DNAH14: variants seen among roughly 807,000 people sequenced by gnomAD.
The protein encoded by DNAH14 is axonemal beta dynein heavy chain 14.
Under a neutral mutation model 520.9 loss-of-function variants are expected in DNAH14, and 478 were observed. The observed-to-expected ratio is 0.92, with a 90% CI of 0.85 to 0.99. The LOEUF is 0.99. Among genes scored for constraint, DNAH14 ranks in the 50% least tolerant of loss-of-function variants. DNAH14 has a pLI of 0.00. For missense variants in DNAH14, 4,831 were observed against 5,234.5 expected (o/e 0.92, Z 2.38); for synonymous variants, 1,581 against 1,757.2 (o/e 0.90, Z 2.51).
intron 12 of DNAH14, among the ~76,000 whole-genome samples, chr1:225,041,515 T>A (rs1013848727): frequency 6.6e-6 from 1 of 152,240 alleles, no homozygotes; most frequent in African/African-American, 2.4e-5. Context: ...GTTCATATTA[T>A]AACGATGTGC....
At chr1:225,115,357 T>C (rs2076793520) in intron 23 of DNAH14, among the ~76,000 whole-genome samples, 1 of 152,216 alleles carries the variant, frequency 6.6e-6, no homozygotes, top group African/African-American at 2.4e-5. Flanking sequence ...TTTTTATGAG[T>C]CTATAAATTA....
Position 225,144,482 on chromosome 1 carries a change from T to G in DNAH14, c.4594T>G (p.Leu1532Val). The G allele has an allele frequency of 6.4e-7, 1 of 1,551,658 alleles. No individual in the cohort carries two copies. The highest frequency in any genetic ancestry group is 8.7e-7 in the Non-Finnish European group (1 of 1,146,982). ...CAGCTTTACTTATGGCTATGAGTACTTGGGCTGTACCTCAAGATTGGTTAT... is the reference window on the plus strand; with the variant it reads ...CAGCTTTACTTATGGCTATGAGTACGTGGGCTGTACCTCAAGATTGGTTAT... ...NASFTYGYEYLGCTSRLVITP... is the reference protein window; with the variant it reads ...NASFTYGYEYVGCTSRLVITP... The change falls in exon 29 of 86, where the codon TTG (leucine) becomes GTG (valine). Residue 1532 changes from leucine to valine, a missense_variant. Leu to Val is a conservative substitution (Grantham distance 32). Transcript: ENST00000682510.
Position 224,967,464 on chromosome 1 carries a change from T to C in DNAH14, c.532T>C (p.Cys178Arg). 6.3e-7 allele frequency: 1 copy of C among 1,576,678 alleles called. No homozygotes were observed. The highest frequency in any genetic ancestry group is 8.6e-7 in the Non-Finnish European group (1 of 1,165,846). ...PLEDDGEFVY[C>R]LPRKSPKSLY... ...GGAAGATGATGGAGAATTTGTTTAT[T>C]GCCTTCCTCGGAAAAGTCCTAAATC... The change falls in exon 6 of 86, where the codon TGC (cysteine) becomes CGC (arginine). Residue 178 changes from cysteine (C) to arginine (R), a missense_variant. Transcript: ENST00000682510.
chr1:225,051,817 ATTGTG>A, intron 17 of DNAH14, 22 bp downstream of exon 17: 1 of 1,433,264 alleles, frequency 7.0e-7, no homozygotes, highest in Non-Finnish European at 9.3e-7. Flanking sequence ...GAAAATTCTT[ATTGTG>A]TAAGAATGTT....
chr1:225,191,701 G>A (rs959303429), intron 37 of DNAH14, among the ~76,000 whole-genome samples: 1 of 151,648 alleles, frequency 6.6e-6, no homozygotes, highest in African/African-American at 2.4e-5. Context: ...ATGCTTTATG[G>A]TATTCCATAG....
chr1:224,986,552 A>G (rs1160534589), intron 8 of DNAH14, among the ~76,000 whole-genome samples: 1 of 152,214 alleles, frequency 6.6e-6, no homozygotes, highest in African/African-American at 2.4e-5. Flanking sequence ...GAAACATTAT[A>G]TCAACAGAAT....
intron 65 of DNAH14, among the ~76,000 whole-genome samples, chr1:225,333,041 A>G (rs1367334401): frequency 6.6e-6 from 1 of 152,122 alleles, no homozygotes; most frequent in East Asian, 1.9e-4. Context: ...TATTACACAA[A>G]GGATTTTAAA....
intron 1 of DNAH14, among the ~76,000 whole-genome samples, chr1:224,937,380 C>T (rs12567334): frequency 0.055 from 8,384 of 151,732 alleles, 472 homozygotes; most frequent in East Asian, 0.24. Flanking sequence ...AATCAACATA[C>T]GAAAATCAGT....
chr1:224,966,128 C>T (rs1032941458), intron 5 of DNAH14, among the ~76,000 whole-genome samples: 2 of 152,044 alleles, frequency 1.3e-5, no homozygotes, highest in Admixed American at 6.6e-5. Context: ...ATACATTATA[C>T]AAGTCATCAT....
intron 21 of DNAH14, among the ~76,000 whole-genome samples, chr1:225,087,588 A>G (rs1388183458): frequency 6.6e-6 from 1 of 152,232 alleles, no homozygotes; most frequent in Non-Finnish European, 1.5e-5. Context: ...AAGCCCTGTG[A>G]TTCTACCAAC....
intron 38 of DNAH14, among the ~76,000 whole-genome samples, chr1:225,194,389 G>T (rs1573894846): frequency 1.3e-5 from 2 of 152,028 alleles, no homozygotes; most frequent in South Asian, 4.1e-4. Flanking sequence ...CTTTGACAAA[G>T]TTGACAAAAA....
intron 84 of DNAH14, 33 bp downstream of exon 84, chr1:225,392,484 A>ATCAT (rs943305099): frequency 6.5e-6 from 10 of 1,548,818 alleles, no homozygotes; most frequent in African/African-American, 5.5e-5. Flanking sequence ...AGAAACGGTG[A>ATCAT]TCATTCATTC....
intron 8 of DNAH14, among the ~76,000 whole-genome samples, chr1:224,993,897 C>T (rs1158472992): frequency 1.3e-5 from 2 of 151,970 alleles, no homozygotes; most frequent in Non-Finnish European, 2.9e-5. Flanking sequence ...TTGTTTGTCT[C>T]AAGATATTTT....
At chr1:225,224,989 T>G (rs1157926464) in intron 41 of DNAH14, among the ~76,000 whole-genome samples, 1 of 152,214 alleles carries the variant, frequency 6.6e-6, no homozygotes, top group African/African-American at 2.4e-5. Flanking sequence ...TCACACATAT[T>G]GGACCCCACA....
intron 1 of DNAH14, among the ~76,000 whole-genome samples, chr1:224,950,590 A>G (rs983491255): frequency 2.0e-5 from 3 of 152,120 alleles, no homozygotes; most frequent in Non-Finnish European, 4.4e-5. Context: ...TGTTTATTAG[A>G]TGTTTGTTGG....
intron 81 of DNAH14, among the ~76,000 whole-genome samples, chr1:225,387,412 A>G (rs902189048): frequency 6.6e-6 from 1 of 151,110 alleles, no homozygotes; most frequent in Non-Finnish European, 1.5e-5. Context: ...AATAAATAAG[A>G]AAAGCAATGG....
At chr1:225,118,250 C>T in intron 25 of DNAH14, 1 of 511,780 alleles carries the variant, frequency 2.0e-6, no homozygotes, top group Non-Finnish European at 3.5e-6. Context: ...ACATTTTGTT[C>T]TGTCATTAAA....
chr1:224,971,420 G>A (rs1319981832), intron 7 of DNAH14, among the ~76,000 whole-genome samples: 1 of 152,140 alleles, frequency 6.6e-6, no homozygotes, highest in African/African-American at 2.4e-5. Flanking sequence ...TTGAATAAAT[G>A]TTATCATGTC....
chr1:225,061,219 G>A (rs888278255), intron 17 of DNAH14, among the ~76,000 whole-genome samples: 1 of 152,278 alleles, frequency 6.6e-6, no homozygotes, highest in East Asian at 1.9e-4. Context: ...AATGGCAGGT[G>A]CCCCTCCCCT....
Sources: gnomAD v4.1 joint callset for allele counts (sites outside exome capture counted in the v4.1 genomes callset) on GRCh38, gnomAD v4.1.1 for gene constraint, MANE v1.5 for transcripts, NCBI Gene and HGNC (gene_info 2026-07-23, HGNC 2026-07-21) for gene names.